The following MACF1 variants were observed in gnomAD, a reference collection of about 807,000 sequenced individuals.
The protein encoded by MACF1 is microtubule-actin cross-linking factor 1.
MACF1 carries 193 observed loss-of-function variants against 854.8 expected under a neutral mutation model. The observed-to-expected ratio is 0.23, with a 90% CI of 0.20 to 0.25. The LOEUF (loss-of-function observed/expected upper bound fraction) is 0.25, where lower values mean the gene tolerates loss of function less well. Ranked by LOEUF, MACF1 falls within the 10% of genes least tolerant of loss-of-function variation. MACF1 has a pLI of 1.00. For missense variants in MACF1, 7,722 were observed against 8,929.1 expected (o/e 0.86, Z 5.45); for synonymous variants, 3,185 against 3,226.7 (o/e 0.99, Z 0.44).
chr1:39,316,384 C>A lies in MACF1; in HGVS notation c.3450-7C>A. The A allele has an allele frequency of 6.3e-7, 1 of 1,599,054 alleles. No homozygotes were observed. The highest frequency in any genetic ancestry group is 1.7e-5 in the Admixed American group (1 of 58,886). On this transcript the variant is annotated splice_polypyrimidine_tract_variant and splice_region_variant and intron_variant, in intron 27 of 100. Coordinates refer to ENST00000564288, the MANE Select transcript of MACF1 (RefSeq NM_001394062.1). ...GTTAATGAAGGAATGTGTATTTGTC[C>A]CCACAGGTTAAAGACAGTTGATGTT...
At position 39,442,562 on chromosome 1, in the gene MACF1, C is replaced by A. The variant is rs1644140425; in HGVS notation, c.19099C>A (p.His6367Asn). Residue 6367 changes from histidine to asparagine, a missense_variant, in exon 77 of 101, where the codon CAC becomes AAC. By Grantham distance (68) the His-to-Asn change is moderately conservative. Transcript: ENST00000564288. ...PKVIEVELAK[H>N]HVLKNDVLAH... ...AGTCATTGAAGTTGAGCTCGCAAAGCACCATGTAAGTATTTTCATTTTTTC... is the reference window on the plus strand; with the variant it reads ...AGTCATTGAAGTTGAGCTCGCAAAGAACCATGTAAGTATTTTCATTTTTTC... The A allele has an allele frequency of 6.2e-7, 1 of 1,613,906 alleles. No homozygotes were observed. Among genetic ancestry groups the A allele is most frequent in the Non-Finnish European group, 8.5e-7 (1 of 1,180,002 alleles).
intron 61 of MACF1, among the ~76,000 whole-genome samples, chr1:39,425,142 C>A (rs932280463): frequency 6.6e-6 from 1 of 152,284 alleles, no homozygotes; most frequent in African/African-American, 2.4e-5. Context: ...AACCTCGACT[C>A]CATTTTTACT....
chr1:39,088,384 C>T lies in MACF1; in HGVS notation c.220+3946C>T, dbSNP rs141432223. Among the ~76,000 whole-genome samples the T allele has an allele frequency of 3.1e-3, 476 of 152,266 alleles. 1 individual carries two copies. The highest frequency in any genetic ancestry group is 4.2e-3 in the Non-Finnish European group (287 of 68,022). Reference sequence around the variant, plus strand: ...GATTACAGGCGTGAGCCACCGCACCCGGCCCTGTACATTGTTATTTCTATT... The same window carrying T: ...GATTACAGGCGTGAGCCACCGCACCTGGCCCTGTACATTGTTATTTCTATT... On this transcript the variant is annotated intron_variant, in intron 2 of 93. Transcript: ENST00000361689.
chr1:39,090,625 G>T (rs1324069214), intron 2 of MACF1, among the ~76,000 whole-genome samples: 1 of 152,226 alleles, frequency 6.6e-6, no homozygotes, highest in East Asian at 1.9e-4. Context: ...ATAGAGAAAG[G>T]TATGGAATGG....
At chr1:39,354,527 C>G (rs1647358697) in intron 44 of MACF1, among the ~76,000 whole-genome samples, 1 of 152,174 alleles carries the variant, frequency 6.6e-6, no homozygotes, top group South Asian at 2.1e-4. Context: ...GCATCAGCCT[C>G]CCAAGTAGCT....
chr1:39,328,215 T>A (rs1256272566), intron 36 of MACF1, among the ~76,000 whole-genome samples: 1 of 152,136 alleles, frequency 6.6e-6, no homozygotes, highest in Non-Finnish European at 1.5e-5. Context: ...CAGCTATGAT[T>A]TGATGGTGTA....
In MACF1 at chr1:39,232,746, GTTTTT is replaced by G. The variant is rs10712180; in HGVS notation, c.171+1521_171+1525del. 6.6e-4 allele frequency among the ~76,000 whole-genome samples: 85 copies of G among 128,498 alleles called. 1 individual carries two copies. Among genetic ancestry groups the G allele is most frequent in the Admixed American group, 1.3e-3 (16 of 12,712 alleles). 84.3% of individuals were successfully genotyped at this position (128,498 alleles called of 152,430 possible). A position where few individuals can be genotyped will look rare whatever the true frequency, so the allele number is the denominator to read the frequency against. On this transcript the variant is annotated intron_variant, in intron 2 of 100. Coordinates refer to ENST00000564288, the MANE Select transcript of MACF1 (RefSeq NM_001394062.1). ...AGAAAACTACTCTCATACTCTCTTT[GTTTTT>G]TTTTTTTTTTTTTTTTTGTTTGTTT...
chr1:39,381,584 G>T (rs1344611671), intron 55 of MACF1, among the ~76,000 whole-genome samples: 1 of 152,002 alleles, frequency 6.6e-6, no homozygotes, highest in Admixed American at 6.6e-5. Flanking sequence ...GTCCAAGCTG[G>T]CCTTGAACTC....
At chr1:39,228,362 C>G (rs960210132) in intron 1 of MACF1, among the ~76,000 whole-genome samples, 3 of 152,162 alleles carry the variant, frequency 2.0e-5, no homozygotes. Context: ...AGAATAAATA[C>G]CATTTGGAGA....
In MACF1 at chr1:39,333,366, A is replaced by T; in HGVS notation, c.6778A>T (p.Thr2260Ser). The change falls in exon 37 of 101, where the codon ACC becomes TCC. Residue 2260 changes from threonine (T) to serine (S), a missense_variant. This residue lies in a region of MACF1 where 1,531 missense variants were observed against 1,601.6 expected (regional missense o/e 0.96). Coordinates refer to ENST00000564288, the MANE Select transcript of MACF1 (RefSeq NM_001394062.1). ...AGGSMMMSEKTDEEDSGREIF... is the reference protein window; with the variant it reads ...AGGSMMMSEKSDEEDSGREIF... ...TGGTAGTATGATGATGTCAGAAAAG[A>T]CCGATGAGGAAGATAGTGGCAGGGA... 1 of 1,614,104 alleles carries T rather than the reference A, an allele frequency of 6.2e-7. No homozygotes were observed. The highest frequency in any genetic ancestry group is 8.5e-7 in the Non-Finnish European group (1 of 1,179,998).
In MACF1 at chr1:39,353,129, C is replaced by T. The variant is rs746626143; in HGVS notation, c.11322C>T (p.Leu3774=). The T allele has an allele frequency of 3.7e-6, 6 of 1,614,106 alleles. No homozygotes were observed. Among genetic ancestry groups the T allele is most frequent in the Non-Finnish European group, 5.1e-6 (6 of 1,180,018 alleles). Residue 3774 remains leucine (L), a synonymous_variant, in exon 44 of 101, where the codon CTC becomes CTT. Transcript: ENST00000564288. ...LLTNLPGMEQ[L]SGASLEKGAL... ...CCAACCTTCCAGGAATGGAGCAGCT[C>T]TCGGGAGCTAGCTTGGAGAAAGGAG...
chr1:39,385,664 G>A lies in MACF1; in HGVS notation c.14079G>A (p.Gln4693=), dbSNP rs922693370. 2 of 1,614,030 alleles carry A rather than the reference G, an allele frequency of 1.2e-6. No homozygotes were observed. Among genetic ancestry groups the A allele is most frequent in the Admixed American group, 1.7e-5 (1 of 59,982 alleles). ...GCACCCAGTACCAGGAACTGCTCCAGGACTTATCAGAGAAGGTGAGGGCAG... is the reference window on the plus strand; with the variant it reads ...GCACCCAGTACCAGGAACTGCTCCAAGACTTATCAGAGAAGGTGAGGGCAG... ...VKSTQYQELL[Q]DLSEKVRAVG... Residue 4693 remains glutamine, a synonymous_variant, in exon 57 of 101, where the codon CAG becomes CAA. Transcript: ENST00000564288.
chr1:39,342,467 G>A (rs57037831), intron 40 of MACF1, among the ~76,000 whole-genome samples: 10,103 of 151,752 alleles, frequency 0.067, 874 homozygotes, highest in African/African-American at 0.2. Flanking sequence ...TGAAATCGCC[G>A]CAGTGCTTTC....
intron 97 of MACF1, 58 bp downstream of exon 97, chr1:39,469,673 G>A (rs1323144385): frequency 8.1e-6 from 11 of 1,351,792 alleles, no homozygotes; most frequent in Non-Finnish European, 9.3e-6. Flanking sequence ...GAATGGCTTT[G>A]CTTCTTAAAC....
chr1:39,437,655 G>A, intron 70 of MACF1, 122 bp from the exon 71 acceptor site: 1 of 866,902 alleles, frequency 1.2e-6, no homozygotes, highest in Non-Finnish European at 1.9e-6. Flanking sequence ...TAGCCATTGG[G>A]CTAAACTGAG....
chr1:39,110,895 A>G (rs969642196), intron 2 of MACF1, among the ~76,000 whole-genome samples: 5 of 152,246 alleles, frequency 3.3e-5, no homozygotes, highest in Non-Finnish European at 7.3e-5. Context: ...CAGAGTGCAT[A>G]TCTGAGAACA....
chr1:39,200,095 C>A (rs774366751), upstream of MACF1, among the ~76,000 whole-genome samples: 1 of 152,192 alleles, frequency 6.6e-6, no homozygotes, highest in Admixed American at 6.5e-5. Context: ...GCCATCAAAA[C>A]TGCACTTGTT....
Position 39,485,730 on chromosome 1 carries a change from A to G in MACF1, c.22604A>G (p.Lys7535Arg). The change falls in exon 101 of 101, where the codon AAA becomes AGA. Residue 7535 changes from lysine (K) to arginine (R), a missense_variant. Lys to Arg is a conservative substitution (Grantham distance 26). Transcript: ENST00000564288. The part of the protein sequence containing the change: ...NSRRGLNKPS[K>R]IPTMSKKTTT... ...AGGAGAGGGCTAAACAAACCTTCCA[A>G]AATCCCAACCATGTCTAAGAAGACC... The G allele has an allele frequency of 1.2e-6, 2 of 1,613,830 alleles. No homozygotes were observed. Among genetic ancestry groups the G allele is most frequent in the Non-Finnish European group, 1.7e-6 (2 of 1,179,812 alleles).
chr1:39,171,203 T>G (rs1399301182), intron 2 of MACF1, among the ~76,000 whole-genome samples: 2 of 146,236 alleles, frequency 1.4e-5, no homozygotes, highest in Non-Finnish European at 3.0e-5. Context: ...ATCTTTCTGT[T>G]TGTGTGTGTG....
Sources: allele counts gnomAD v4.1 joint callset (sites outside exome capture counted in the v4.1 genomes callset), GRCh38; gene constraint gnomAD v4.1.1; regional missense constraint gnomAD v4.1.1; transcripts MANE v1.5; gene names NCBI Gene and HGNC (gene_info 2026-07-23, HGNC 2026-07-21).